LHPP: variants seen among roughly 807,000 people sequenced by gnomAD.
LHPP encodes hLHPP.
Under a neutral mutation model 30.3 loss-of-function variants are expected in LHPP, and 24 were observed. That is an observed-to-expected ratio of 0.79 (90% CI 0.57 to 1.11). LHPP has a LOEUF of 1.11. Ranked by LOEUF, LHPP falls within the 50% of genes most tolerant of loss-of-function variation. The pLI, the probability that LHPP is intolerant of heterozygous loss-of-function variation, is 0.00. For missense variants in LHPP, 356 were observed against 367.2 expected (o/e 0.97, Z 0.25); for synonymous variants, 150 against 157.1 (o/e 0.95, Z 0.34).
chr10:124,560,781 G>A (rs1465889624), intron 6 of LHPP, among the ~76,000 whole-genome samples: 5 of 152,162 alleles, frequency 3.3e-5, no homozygotes, highest in Non-Finnish European at 5.9e-5. Context: ...TCTGCAGAGC[G>A]AACACTTTGA....
At chr10:124,521,118 G>A (rs1954600621) in intron 6 of LHPP, among the ~76,000 whole-genome samples, 1 of 152,174 alleles carries the variant, frequency 6.6e-6, no homozygotes, top group South Asian at 2.1e-4. Context: ...ATGCTGGAGG[G>A]GCGTGGGGTC....
chr10:124,589,528 C>G (rs1240365424), intron 6 of LHPP, among the ~76,000 whole-genome samples: 2 of 152,202 alleles, frequency 1.3e-5, no homozygotes, highest in Non-Finnish European at 2.9e-5. Flanking sequence ...TGGAGGTGGC[C>G]ATGGGGCTCA....
At chr10:124,511,992 G>T (rs1954312573) in intron 5 of LHPP, among the ~76,000 whole-genome samples, 1 of 150,864 alleles carries the variant, frequency 6.6e-6, no homozygotes. Flanking sequence ...CCTCTGGGAG[G>T]CCTTTCCTGA....
chr10:124,607,616 T>C (rs550663428), intron 6 of LHPP, among the ~76,000 whole-genome samples: 2 of 152,188 alleles, frequency 1.3e-5, no homozygotes, highest in East Asian at 3.9e-4. Context: ...GCTGGTTGCT[T>C]TTGCCTGGAC....
chr10:124,575,710 C>T (rs187076037), intron 6 of LHPP, among the ~76,000 whole-genome samples: 1 of 152,280 alleles, frequency 6.6e-6, no homozygotes, highest in East Asian at 1.9e-4. Context: ...ACTCCTGCAC[C>T]AGCTTCCCTG....
chr10:124,603,451 G>A (rs1018824572), intron 6 of LHPP, among the ~76,000 whole-genome samples: 4 of 152,228 alleles, frequency 2.6e-5, no homozygotes, highest in African/African-American at 9.6e-5. Flanking sequence ...CTCCAAGGGA[G>A]GTCCCAGCCA....
intron 6 of LHPP, among the ~76,000 whole-genome samples, chr10:124,572,261 C>T (rs541300217): frequency 2.2e-4 from 34 of 152,286 alleles, no homozygotes; most frequent in Non-Finnish European, 3.8e-4. Flanking sequence ...GGGGACTGCT[C>T]AGGAGGCTTT....
chr10:124,465,326 G>T (rs1443889610), intron 1 of LHPP, among the ~76,000 whole-genome samples: 4 of 152,152 alleles, frequency 2.6e-5, no homozygotes, highest in African/African-American at 9.7e-5. Flanking sequence ...GCACGGAGAG[G>T]TGTCCGGACT....
At chr10:124,546,701 C>T (rs984708408) in intron 6 of LHPP, among the ~76,000 whole-genome samples, 28 of 152,108 alleles carry the variant, frequency 1.8e-4, no homozygotes, top group African/African-American at 2.7e-4. Flanking sequence ...TGAGCCACCG[C>T]GCCCGCCTCA....
chr10:124,527,069 C>G (rs1024364899), intron 6 of LHPP, among the ~76,000 whole-genome samples: 1 of 152,162 alleles, frequency 6.6e-6, no homozygotes, highest in African/African-American at 2.4e-5. Flanking sequence ...CGCCACAGAG[C>G]CCCTCTGAGA....
At chr10:124,594,174 A>G (rs1384816631) in intron 6 of LHPP, among the ~76,000 whole-genome samples, 1 of 151,908 alleles carries the variant, frequency 6.6e-6, no homozygotes, top group Non-Finnish European at 1.5e-5. Flanking sequence ...CTAAAAATAC[A>G]AAAAAACTAG....
chr10:124,463,464 G>A (rs1952464209), intron 1 of LHPP, among the ~76,000 whole-genome samples: 1 of 151,958 alleles, frequency 6.6e-6, no homozygotes, highest in Admixed American at 6.6e-5. Flanking sequence ...CCAGGTTCAA[G>A]TGATTCTCCT....
rs940758998 is a variant in LHPP, at chr10:124,482,101, G to A, written c.126-2038G>A. 3.7e-4 allele frequency among the ~76,000 whole-genome samples: 57 copies of A among 152,194 alleles called. 2 individuals are homozygous for A. Among genetic ancestry groups the A allele is most frequent in the Non-Finnish European group, 4.4e-5 (3 of 68,046 alleles). On this transcript the variant is annotated intron_variant, in intron 1 of 6. Coordinates refer to ENST00000368842, the MANE Select transcript of LHPP (RefSeq NM_022126.4). Reference sequence around the variant, plus strand: ...CATGGATAAATTACATTCACACTGGGTTCAGTTTGAGTTGAGTTTTTAGTT... The same window carrying A: ...CATGGATAAATTACATTCACACTGGATTCAGTTTGAGTTGAGTTTTTAGTT...
At chr10:124,468,817 A>AG (rs906850103) in intron 1 of LHPP, among the ~76,000 whole-genome samples, 2 of 152,000 alleles carry the variant, frequency 1.3e-5, no homozygotes, top group African/African-American at 4.8e-5. Flanking sequence ...CATCACCCTC[A>AG]GGGCCCGGGA....
intron 4 of LHPP, 133 bp from the exon 5 acceptor site, chr10:124,497,903 C>A (rs1458316357): frequency 2.8e-6 from 2 of 721,542 alleles, no homozygotes; most frequent in Non-Finnish European, 4.8e-6. Flanking sequence ...GAGATGAGTT[C>A]TCAGGCCCAC....
At chr10:124,489,352 G>A (rs372451152) in intron 3 of LHPP, among the ~76,000 whole-genome samples, 11 of 152,224 alleles carry the variant, frequency 7.2e-5, no homozygotes, top group African/African-American at 2.6e-4. Context: ...ACCTTGTTTT[G>A]TCATCTGTTT....
intron 6 of LHPP, among the ~76,000 whole-genome samples, chr10:124,532,658 C>T (rs1214952036): frequency 1.3e-4 from 20 of 152,352 alleles, no homozygotes; most frequent in African/African-American, 4.6e-4. Context: ...TTGGGAGAAA[C>T]CTTTTCAGCT....
intron 6 of LHPP, among the ~76,000 whole-genome samples, chr10:124,581,768 TACACACACAC>T (rs59904986): frequency 9.9e-6 from 1 of 100,740 alleles, no homozygotes; most frequent in Non-Finnish European, 2.2e-5. Context: ...TATATGTATA[TACACACACAC>T]ACACACACAC....
chr10:124,505,051 G>C (rs1372500107), intron 5 of LHPP, among the ~76,000 whole-genome samples: 1 of 152,142 alleles, frequency 6.6e-6, no homozygotes, highest in East Asian at 1.9e-4. Context: ...TGGCAAAGCT[G>C]TGTCTTATTT....
Sources: gnomAD v4.1 joint callset for allele counts (sites outside exome capture counted in the v4.1 genomes callset) on GRCh38, gnomAD v4.1.1 for gene constraint, MANE v1.5 for transcripts, NCBI Gene and HGNC (gene_info 2026-07-23, HGNC 2026-07-21) for gene names.